The following ZFHX2 variants were observed in gnomAD, a reference collection of about 807,000 sequenced individuals.
The protein encoded by ZFHX2 is zinc finger homeobox 2, also known as zinc finger homeobox protein 2.
In ZFHX2, 75 loss-of-function variants were observed where a neutral mutation model predicts 164.8. The ratio of observed to expected loss-of-function variants is 0.46; its 90% CI spans 0.38 to 0.55. ZFHX2 has a LOEUF of 0.55. ZFHX2 is among the 20% of genes least tolerant of loss of function. The probability of loss-of-function intolerance (pLI) is 0.00; values close to 1 mark genes in which losing one functional copy is unlikely to be tolerated. For missense variants in ZFHX2, 2,933 were observed against 3,308.0 expected (o/e 0.89, Z 2.78); for synonymous variants, 1,217 against 1,351.4 (o/e 0.90, Z 2.18).
upstream of ZFHX2, chr14:23,555,628 A>T (rs1427687357): frequency 6.6e-6 from 1 of 152,092 alleles, no homozygotes; most frequent in East Asian, 1.9e-4. Context: ...ATCCCCTCTA[A>T]AACTCCAGAG....
Position 23,546,876 on chromosome 14 carries a change from C to A in ZFHX2, c.-50+4467G>T, listed in dbSNP as rs531202764. On this transcript the variant is annotated intron_variant, in intron 1 of 9. Coordinates refer to ENST00000419474, the MANE Select transcript of ZFHX2 (RefSeq NM_033400.3). This position sits in a 1 kb window ranked among gnomAD's most constrained non-coding sequence, Gnocchi z 4.7. ...ACCACTGTCCTTCCTTCAGGCCCCC[C>A]GCCCACCAGCCCCTTCTTTAGCTGC... is the stretch of plus-strand genomic sequence containing the variant. Among the ~76,000 whole-genome samples, 1 of 152,164 alleles carries A rather than the reference C, an allele frequency of 6.6e-6. No individual in the cohort carries two copies. Among genetic ancestry groups the A allele is most frequent in the South Asian group, 2.1e-4 (1 of 4,832 alleles).
chr14:23,521,813 G>C lies in ZFHX2; in HGVS notation c.*149C>G. On this transcript the variant is annotated 3_prime_UTR_variant, in exon 10 of 10. Transcript: ENST00000419474. Reference sequence around the variant, plus strand: ...GGACTCTGCTGGAAGTGGGGTGTGTGGTGCCCACTGAGGGTGGGAACTGAA... The same window carrying C: ...GGACTCTGCTGGAAGTGGGGTGTGTCGTGCCCACTGAGGGTGGGAACTGAA... 1 of 1,341,374 alleles carries C rather than the reference G, an allele frequency of 7.5e-7. No homozygotes were observed. The highest frequency in any genetic ancestry group is 9.9e-7 in the Non-Finnish European group (1 of 1,011,764). 83.1% of individuals were successfully genotyped at this position (1,341,374 alleles called of 1,614,324 possible). A position where few individuals can be genotyped will look rare whatever the true frequency, so the allele number is the denominator to read the frequency against.
At chr14:23,541,070 C>A (rs1008227416) in intron 1 of ZFHX2, among the ~76,000 whole-genome samples, 1 of 151,996 alleles carries the variant, frequency 6.6e-6, no homozygotes, top group African/African-American at 2.4e-5. Flanking sequence ...CCAGGCCTGG[C>A]TAATTTTTGT....
At chr14:23,528,664 C>T in intron 6 of ZFHX2, 1 of 985,442 alleles carries the variant, frequency 1.0e-6, no homozygotes, top group Non-Finnish European at 1.2e-6. Flanking sequence ...CTCCCTCAGG[C>T]TCAGCAGCTC....
chr14:23,524,991 G>A lies in ZFHX2; in HGVS notation c.4951C>T (p.Arg1651Cys), dbSNP rs200501430. 78 of 1,536,066 alleles carry A rather than the reference G, an allele frequency of 5.1e-5. No individual in the cohort carries two copies. The highest frequency in any genetic ancestry group is 6.3e-5 in the Non-Finnish European group (72 of 1,146,932). ...VWFQNARQKA[R>C]KNACEGGSMP... The stretch of plus-strand genomic sequence containing the variant: ...GACCCACCCTCACAGGCATTTTTGC[G>A]TGCTTTCTGGCGGGCATTCTGGAAC... The change falls in exon 9 of 10, where the codon CGC becomes TGC. Residue 1651 changes from arginine to cysteine, a missense_variant. By Grantham distance (180) the Arg-to-Cys change is radical (BLOSUM62 -3). Coordinates refer to ENST00000419474, the MANE Select transcript of ZFHX2 (RefSeq NM_033400.3). This position sits in a 1 kb window ranked among gnomAD's most constrained non-coding sequence, Gnocchi z 5.6.
rs370294556 is a variant in ZFHX2, at chr14:23,534,238, G to C, written c.1088C>G (p.Ser363Trp). ...WDPSPTQAKE[S>W]PVAAGEAGPD... ...CCCTGCCTCGCCTGCTGCTACTGGC[G>C]ATTCTTTGGCTTGGGTTGGGCTGGG... The change falls in exon 2 of 10, where the codon TCG (serine) becomes TGG (tryptophan). Residue 363 changes from serine (S) to tryptophan (W), a missense_variant. Ser to Trp is a radical substitution (Grantham distance 177). Transcript: ENST00000419474. This position sits in a 1 kb window ranked among gnomAD's most constrained non-coding sequence, Gnocchi z 4.5. The C allele has an allele frequency of 2.0e-6, 3 of 1,522,068 alleles. No individual in the cohort carries two copies. The highest frequency in any genetic ancestry group is 2.6e-6 in the Non-Finnish European group (3 of 1,138,888). 94.3% of individuals were successfully genotyped at this position (1,522,068 alleles called of 1,614,324 possible).
intron 1 of ZFHX2, among the ~76,000 whole-genome samples, chr14:23,537,351 G>A (rs1880288679): frequency 6.6e-6 from 1 of 151,948 alleles, no homozygotes; most frequent in Non-Finnish European, 1.5e-5. Flanking sequence ...TCTCGTATTA[G>A]CAGATCTCTA....
chr14:23,524,657 G>GTAGCCT lies in ZFHX2; in HGVS notation c.5279_5284dup (p.Lys1760_Ala1761dup), dbSNP rs1188487915. ...GGTATGGGCTGGGGAAGGTGATGGAGTAGCCTTCTCTTCAGGCTCTTTGCC... is the reference window on the plus strand; with the variant it reads ...GGTATGGGCTGGGGAAGGTGATGGAGTAGCCTTAGCCTTCTCTTCAGGCTCTTTGCC... On this transcript the variant is annotated inframe_insertion, in exon 9 of 10. Transcript: ENST00000419474. This position sits in a 1 kb window ranked among gnomAD's most constrained non-coding sequence, Gnocchi z 5.6. 6.5e-7 allele frequency: 1 copy of GTAGCCT among 1,536,362 alleles called. No homozygotes were observed. Among genetic ancestry groups the GTAGCCT allele is most frequent in the Non-Finnish European group, 8.7e-7 (1 of 1,146,914 alleles).
Position 23,524,509 on chromosome 14 carries a change from C to T in ZFHX2, c.5433G>A (p.Val1811=), listed in dbSNP as rs1405538809. The change falls in exon 9 of 10, where the codon GTG becomes GTA. Residue 1811 remains valine, a synonymous_variant. Transcript: ENST00000419474. This position sits in a 1 kb window ranked among gnomAD's most constrained non-coding sequence, Gnocchi z 5.6. ...PPQLLDLPLL[V]FGERNPLVAA... is the part of the protein sequence containing the mutation. ...CCACCAGGGGGTTTCTCTCCCCAAA[C>T]ACCAGCAAGGGCAGATCTAGGAGTT... The T allele has an allele frequency of 6.5e-7, 1 of 1,527,168 alleles. No homozygotes were observed. The highest frequency in any genetic ancestry group is 8.8e-7 in the Non-Finnish European group (1 of 1,142,158). 94.6% of individuals were successfully genotyped at this position (1,527,168 alleles called of 1,614,324 possible). A position where few individuals can be genotyped will look rare whatever the true frequency, so the allele number is the denominator to read the frequency against.
At position 23,522,938 on chromosome 14, in the gene ZFHX2, G is replaced by T. The variant is rs775021793; in HGVS notation, c.6743C>A (p.Pro2248Gln). 2 of 1,441,088 alleles carry T rather than the reference G, an allele frequency of 1.4e-6. No individual in the cohort carries two copies. Among genetic ancestry groups the T allele is most frequent in the Non-Finnish European group, 1.8e-6 (2 of 1,102,558 alleles). The allele number at this position is 1,441,088 out of a possible 1,614,324, so 89.3% of individuals were successfully genotyped here. The change falls in exon 10 of 10, where the codon CCG becomes CAG. Residue 2248 changes from proline (P) to glutamine (Q), a missense_variant. Coordinates refer to ENST00000419474, the MANE Select transcript of ZFHX2 (RefSeq NM_033400.3). ...GCCGAGGAGGCCTGAGGAGGCTGCC[G>T]GGCCTAGAAAGGTGAAAGGAAGGAT... is the stretch of plus-strand genomic sequence containing the variant. Reference protein sequence around the residue: ...LGNLAPFNSGPAASSGLLGLA... With the variant: ...LGNLAPFNSGQAASSGLLGLA...
At chr14:23,541,953 G>A (rs887985438) in intron 1 of ZFHX2, among the ~76,000 whole-genome samples, 2 of 152,104 alleles carry the variant, frequency 1.3e-5, no homozygotes, top group African/African-American at 4.8e-5. Flanking sequence ...CTTACTTTGT[G>A]CAAATAAGTT....
At position 23,523,556 on chromosome 14, in the gene ZFHX2, G is replaced by A; in HGVS notation, c.6386C>T (p.Ala2129Val). The change falls in exon 9 of 10, where the codon GCC becomes GTC. Residue 2129 changes from alanine (A) to valine (V), a missense_variant. Transcript: ENST00000419474. This position sits in a 1 kb window ranked among gnomAD's most constrained non-coding sequence, Gnocchi z 4.1. ...ACTGCTGCCCCCAGTGCTCCCAGCG[G>A]CTGTCCCCTGTAGTTTGGCCTTCTT... ...KEKKAKLQGT[A>V]AGSTGGSSEG... 1 of 1,537,794 alleles carries A rather than the reference G, an allele frequency of 6.5e-7. No homozygotes were observed. Among genetic ancestry groups the A allele is most frequent in the South Asian group, 1.2e-5 (1 of 84,160 alleles).
chr14:23,525,410 G>A lies in ZFHX2; in HGVS notation c.4532C>T (p.Ala1511Val). 6.5e-7 allele frequency: 1 copy of A among 1,536,162 alleles called. No homozygotes were observed. The highest frequency in any genetic ancestry group is 8.7e-7 in the Non-Finnish European group (1 of 1,146,924). The change falls in exon 9 of 10, where the codon GCC becomes GTC. Residue 1511 changes from alanine (A) to valine (V), a missense_variant. Transcript: ENST00000419474. The surrounding 1 kb of genome is among the most constrained non-coding windows in gnomAD (Gnocchi z 5.9). Reference sequence around the variant, plus strand: ...AAACTGAGCAGCATAACGGCTCAGGGCTTCAAAGGGCAGAAAGCGGCGGTG... The same window carrying A: ...AAACTGAGCAGCATAACGGCTCAGGACTTCAAAGGGCAGAAAGCGGCGGTG... ...HVHRRFLPFEALSRYAAQFRK... is the reference protein window; with the variant it reads ...HVHRRFLPFEVLSRYAAQFRK...
chr14:23,533,467 G>A lies in ZFHX2; in HGVS notation c.1859C>T (p.Pro620Leu), dbSNP rs1323960708. The change falls in exon 2 of 10, where the codon CCA becomes CTA. Residue 620 changes from proline (P) to leucine (L), a missense_variant. By Grantham distance (98) the Pro-to-Leu change is moderately conservative. Transcript: ENST00000419474. The surrounding 1 kb of genome is among the most constrained non-coding windows in gnomAD (Gnocchi z 4.8). ...PGLMGPGPPP[P>L]PGATPTSPPE... ...GGGGCTAGTGGGGGTAGCCCCTGGT[G>A]GGGGAGGAGGGCCTGGCCCCATCAA... The A allele has an allele frequency of 4.6e-6, 7 of 1,535,176 alleles. No individual in the cohort carries two copies. The South Asian group carries it at 5.9e-5, about 13-fold the overall frequency.
intron 6 of ZFHX2, 97 bp from the exon 7 acceptor site, chr14:23,527,901 CTT>C (rs745574496): frequency 0.11 from 45,871 of 424,656 alleles, no homozygotes; most frequent in South Asian, 0.15. Flanking sequence ...GCCCCCACTC[CTT>C]TTTTTTTTTT....
At chr14:23,539,525 T>C (rs1322912024) in intron 1 of ZFHX2, among the ~76,000 whole-genome samples, 1 of 151,894 alleles carries the variant, frequency 6.6e-6, no homozygotes, top group Non-Finnish European at 1.5e-5. Flanking sequence ...ATGGGGGAAA[T>C]AGTGAGACTT....
In ZFHX2 at chr14:23,531,420, G is replaced by A. The variant is rs572260660; in HGVS notation, c.2800+61C>T. 1.5e-4 allele frequency: 204 copies of A among 1,343,706 alleles called. 4 individuals are homozygous for A. In the South Asian group the frequency reaches 2.5e-3, roughly 17 times the overall value. 83.2% of individuals were successfully genotyped at this position (1,343,706 alleles called of 1,614,324 possible). ...GTATCTCTAACTCCGCAGCCCCCCT[G>A]CTCCCCACATCCTGCTGCCCTCCCT... On this transcript the variant is annotated intron_variant, in intron 4 of 9. Transcript: ENST00000419474.
At chr14:23,544,707 GT>G (rs1391891979) in intron 1 of ZFHX2, among the ~76,000 whole-genome samples, 1 of 152,118 alleles carries the variant, frequency 6.6e-6, no homozygotes, top group African/African-American at 2.4e-5. Flanking sequence ...GTGTGATCTC[GT>G]TACACTCTCG....
At position 23,524,277 on chromosome 14, in the gene ZFHX2, A is replaced by T. The variant is rs1217998907; in HGVS notation, c.5665T>A (p.Cys1889Ser). ...TTGAGCCCCACCTCCTCGGAGATGC[A>T]GTCGAGCATCTTGCGTGTTGGGTTG... ...DSNPTRKMLD[C>S]ISEEVGLKKR... The change falls in exon 9 of 10, where the codon TGC (cysteine) becomes AGC (serine). Residue 1889 changes from cysteine to serine, a missense_variant. By Grantham distance (112) the Cys-to-Ser change is moderately radical. Transcript: ENST00000419474. This position sits in a 1 kb window ranked among gnomAD's most constrained non-coding sequence, Gnocchi z 5.6. 1 of 1,536,340 alleles carries T rather than the reference A, an allele frequency of 6.5e-7. No homozygotes were observed. The highest frequency in any genetic ancestry group is 2.4e-5 in the East Asian group (1 of 40,910).
Sources: allele counts gnomAD v4.1 joint callset (sites outside exome capture counted in the v4.1 genomes callset), GRCh38; gene constraint gnomAD v4.1.1; non-coding constraint Gnocchi (gnomAD v3.1); transcripts MANE v1.5; gene names NCBI Gene and HGNC (gene_info 2026-07-23, HGNC 2026-07-21).